The following COQ3 variants were observed in gnomAD, a reference collection of about 807,000 sequenced individuals.
COQ3 encodes ubiquinone biosynthesis O-methyltransferase, mitochondrial.
Under a neutral mutation model 33.1 loss-of-function variants are expected in COQ3, and 29 were observed. The observed-to-expected ratio is 0.88, with a 90% CI of 0.65 to 1.19. COQ3 has a LOEUF of 1.19. Ranked by LOEUF, COQ3 falls within the 50% of genes most tolerant of loss-of-function variation. The pLI is 0.00. For missense variants in COQ3, 437 were observed against 430.7 expected, an observed-to-expected ratio of 1.01 and a Z score of -0.13; for synonymous variants, 173 against 157.8, an observed-to-expected ratio of 1.10 and a Z score of -0.72.
rs540719325 is a variant in COQ3 at position 99,389,100 on chromosome 6, CTG to C, written c.106+4972_106+4973del. 7.9e-4 allele frequency among the ~76,000 whole-genome samples: 120 copies of C among 152,056 alleles called. 1 individual carries two copies. Among genetic ancestry groups the C allele is most frequent in the Non-Finnish European group, 1.5e-3 (100 of 67,966 alleles). ...GGTGAATAGTACATGGAAATTCTCTCTGTGTGTTTGGGGTTTTTGTTTTGTTT... is the reference window on the plus strand; with the variant it reads ...GGTGAATAGTACATGGAAATTCTCTCTGTGTTTGGGGTTTTTGTTTTGTTT... On this transcript the variant is annotated intron_variant, in intron 1 of 6. Coordinates refer to ENST00000254759, the MANE Select transcript of COQ3 (RefSeq NM_017421.4).
At chr6:99,388,189 A>G (rs1022813117) in intron 1 of COQ3, among the ~76,000 whole-genome samples, 1 of 152,072 alleles carries the variant, frequency 6.6e-6, no homozygotes, top group Non-Finnish European at 1.5e-5. Context: ...AAAATAAAAT[A>G]AAAAAAGAAA....
At chr6:99,376,362 T>A (rs1774283961) in intron 4 of COQ3, among the ~76,000 whole-genome samples, 180 bp from the exon 5 acceptor site, 1 of 152,152 alleles carries the variant, frequency 6.6e-6, no homozygotes, top group South Asian at 2.1e-4. Context: ...AAATTTTCCA[T>A]AATCAAACCC....
In COQ3 at chr6:99,380,155, C is replaced by A. The variant is rs757841060; in HGVS notation, c.386+34G>T. The A allele has an allele frequency of 5.1e-6, 8 of 1,568,390 alleles. No individual in the cohort carries two copies. In the East Asian group the frequency reaches 9.0e-5, roughly 18 times the overall value. On this transcript the variant is annotated intron_variant, in intron 3 of 6. Coordinates refer to ENST00000254759, the MANE Select transcript of COQ3 (RefSeq NM_017421.4). ...TGAAATATGAATTCTTAAAAAGTTC[C>A]ATTTAAAAAGACTTAGAGTTTCTGG...
intron 2 of COQ3, among the ~76,000 whole-genome samples, chr6:99,381,784 G>C (rs1421589469): frequency 1.3e-5 from 2 of 152,082 alleles, no homozygotes; most frequent in Non-Finnish European, 2.9e-5. Flanking sequence ...AAATTAGCCA[G>C]GTGTGGTGGC....
intron 1 of COQ3, 103 bp downstream of exon 1, chr6:99,393,971 C>T (rs1258463574): frequency 5.4e-6 from 5 of 926,716 alleles, no homozygotes; most frequent in Non-Finnish European, 8.6e-6. Context: ...GCTGACCCCT[C>T]GCGAGGTCCA....
intron 3 of COQ3, among the ~76,000 whole-genome samples, chr6:99,379,400 C>T (rs532551927): frequency 1.3e-5 from 2 of 152,148 alleles, no homozygotes; most frequent in African/African-American, 2.4e-5. Flanking sequence ...CCACAGCAAC[C>T]TATAAGTTCC....
intron 5 of COQ3, among the ~76,000 whole-genome samples, chr6:99,373,359 A>G (rs1355322208): frequency 6.6e-6 from 1 of 152,050 alleles, no homozygotes; most frequent in Non-Finnish European, 1.5e-5. Context: ...TGAGCCCAGC[A>G]GTTTGAGGTT....
At chr6:99,375,801 C>T in intron 5 of COQ3, 139 bp downstream of exon 5, 1 of 819,784 alleles carries the variant, frequency 1.2e-6, no homozygotes. Context: ...ATGCTGTCCC[C>T]TCATCCAGGC....
intron 1 of COQ3, among the ~76,000 whole-genome samples, chr6:99,390,164 T>A (rs986441244): frequency 2.0e-5 from 3 of 152,126 alleles, no homozygotes; most frequent in Admixed American, 6.5e-5. Context: ...ATTTCATATG[T>A]GTTTCAGAGT....
In COQ3 at chr6:99,376,187, T is replaced by C. The variant is rs368070629; in HGVS notation, c.487-5A>G. The stretch of plus-strand genomic sequence containing the variant: ...AGCCCCAAGCCGCCCTAGAGGCTAA[T>C]GGCATTAAAAAAACTGTTACCCTCA... On this transcript the variant is annotated splice_polypyrimidine_tract_variant and splice_region_variant and intron_variant, in intron 4 of 6. Transcript: ENST00000254759. The C allele has an allele frequency of 1.2e-6, 2 of 1,611,254 alleles. No homozygotes were observed. The highest frequency in any genetic ancestry group is 2.7e-5 in the African/African-American group (2 of 74,708).
At chr6:99,378,893 C>G (rs1774382056) in intron 3 of COQ3, among the ~76,000 whole-genome samples, 1 of 150,940 alleles carries the variant, frequency 6.6e-6, no homozygotes, top group African/African-American at 2.4e-5. Context: ...GTGCTTTGCC[C>G]AAAATTGTTT....
Position 99,394,107 on chromosome 6 carries a change from T to C in COQ3, c.73A>G (p.Thr25Ala). The change falls in exon 1 of 7, where the codon ACA (threonine) becomes GCA (alanine). Residue 25 changes from threonine to alanine, a missense_variant. Physicochemically the swap from Thr to Ala is moderately conservative, Grantham distance 58. Coordinates refer to ENST00000254759, the MANE Select transcript of COQ3 (RefSeq NM_017421.4). ...GAAATTAAGGGACGCGCAGCTTTTG[T>C]ATTACAGCCTCCAGGCCCCAGCACT... is the stretch of plus-strand genomic sequence containing the variant. ...LRVLGPGGCN[T>A]KAARPLISSA... The C allele has an allele frequency of 6.2e-7, 1 of 1,613,826 alleles. No homozygotes were observed. Among genetic ancestry groups the C allele is most frequent in the Non-Finnish European group, 8.5e-7 (1 of 1,179,882 alleles).
Position 99,380,237 on chromosome 6 carries a change from A to G in COQ3, c.338T>C (p.Val113Ala), listed in dbSNP as rs1171611447. 1 of 1,613,882 alleles carries G rather than the reference A, an allele frequency of 6.2e-7. No individual in the cohort carries two copies. The highest frequency in any genetic ancestry group is 1.7e-5 in the Admixed American group (1 of 59,988). ...LAHKWWDEQG[V>A]YAPLHSMNDL... The stretch of plus-strand genomic sequence containing the variant: ...ATTCATGGAATGAAGAGGTGCATAT[A>G]CTCCTTGTTCATCCCACCATTTGTG... The change falls in exon 3 of 7, where the codon GTA becomes GCA. Residue 113 changes from valine to alanine, a missense_variant. Physicochemically the swap from Val to Ala is moderately conservative, Grantham distance 64 (BLOSUM62 0). Transcript: ENST00000254759.
chr6:99,392,687 G>C (rs1219480269), intron 1 of COQ3, among the ~76,000 whole-genome samples: 1 of 151,012 alleles, frequency 6.6e-6, no homozygotes, highest in Admixed American at 6.6e-5. Context: ...GTGCAATGGT[G>C]TGATCTTGGC....
chr6:99,383,897 A>G, intron 1 of COQ3, 73 bp from the exon 2 acceptor site: 1 of 1,154,742 alleles, frequency 8.7e-7, no homozygotes, highest in South Asian at 1.5e-5. Context: ...GTAATTGAAG[A>G]TTCTATTTTA....
rs200092962 is a variant in COQ3 at position 99,383,752 on chromosome 6, C to G, written c.179G>C (p.Trp60Ser). The stretch of plus-strand genomic sequence containing the variant: ...AAAGATCGTCCTGTAGGATTTGAAC[C>G]ATATGGTTCTGTATTCATTGAAAAC... ...PGVFNEYRTI[W>S]FKSYRTIFSC... Residue 60 changes from tryptophan (W) to serine (S), a missense_variant, in exon 2 of 7, where the codon TGG (tryptophan) becomes TCG (serine). By Grantham distance (177) the Trp-to-Ser change is radical. Coordinates refer to ENST00000254759, the MANE Select transcript of COQ3 (RefSeq NM_017421.4). 2.5e-6 allele frequency: 4 copies of G among 1,604,270 alleles called. No individual in the cohort carries two copies. Among genetic ancestry groups the G allele is most frequent in the African/African-American group, 1.3e-5 (1 of 74,372 alleles).
At chr6:99,393,192 CTT>C (rs779223957) in intron 1 of COQ3, among the ~76,000 whole-genome samples, 23 of 143,446 alleles carry the variant, frequency 1.6e-4, no homozygotes, top group Admixed American at 2.1e-4. Flanking sequence ...TGATTTGTAA[CTT>C]TTTTTTTTTT....
intron 1 of COQ3, among the ~76,000 whole-genome samples, chr6:99,385,079 C>G (rs1490217499): frequency 6.6e-6 from 1 of 152,198 alleles, no homozygotes; most frequent in Non-Finnish European, 1.5e-5. Flanking sequence ...CCACTGTACT[C>G]CAGCCTGGGC....
Position 99,383,829 on chromosome 6 carries a change from A to AG in COQ3, c.107-6_107-5insC. The AG allele has an allele frequency of 6.4e-7, 1 of 1,563,144 alleles. No individual in the cohort carries two copies. Among genetic ancestry groups the AG allele is most frequent in the South Asian group, 1.2e-5 (1 of 81,140 alleles). ...TGAGCTGGTTCTTCACATAAACTGAAAAAAAAAATTAAATATCTAGAGAAA... is the reference window on the plus strand; with the variant it reads ...TGAGCTGGTTCTTCACATAAACTGAAGAAAAAAAATTAAATATCTAGAGAAA... On this transcript the variant is annotated splice_region_variant and splice_polypyrimidine_tract_variant and intron_variant, in intron 1 of 6. Transcript: ENST00000254759.
Sources: gnomAD v4.1 joint callset for allele counts (sites outside exome capture counted in the v4.1 genomes callset) on GRCh38, gnomAD v4.1.1 for gene constraint, MANE v1.5 for transcripts, NCBI Gene and HGNC (gene_info 2026-07-23, HGNC 2026-07-21) for gene names.